Variants in TUSC3 observed in about 807,000 individuals in gnomAD.
TUSC3 encodes tumor suppressor candidate 3, also known as dolichyl-diphosphooligosaccharide--protein glycosyltransferase subunit TUSC3.
TUSC3 carries 45 observed loss-of-function variants against 44.8 expected under a neutral mutation model. That is an observed-to-expected ratio of 1.00 (90% CI 0.79 to 1.29). The LOEUF (loss-of-function observed/expected upper bound fraction) is 1.29. Among genes scored for constraint, TUSC3 ranks in the 50% most tolerant of loss-of-function variants. The pLI, the probability that TUSC3 is intolerant of heterozygous loss-of-function variation, is 0.00. For synonymous variants in TUSC3, 212 were observed against 152.9 expected, an observed-to-expected ratio of 1.39 and a Z score of -2.85; for missense variants, 519 against 437.9, an observed-to-expected ratio of 1.19 and a Z score of -1.65.
chr8:15,521,590 G>T (rs934188343), intron 2 of TUSC3, among the ~76,000 whole-genome samples: 1 of 151,254 alleles, frequency 6.6e-6, no homozygotes, highest in Non-Finnish European at 1.5e-5. Context: ...ATAAAATACA[G>T]TAACACAAAC....
At chr8:15,714,353 G>A (rs183268358) in intron 6 of TUSC3, among the ~76,000 whole-genome samples, 2 of 152,048 alleles carry the variant, frequency 1.3e-5, no homozygotes, top group African/African-American at 4.8e-5. Flanking sequence ...AAGTTATTAT[G>A]CCATCATCAA....
chr8:15,550,640 C>G lies in TUSC3; in HGVS notation c.138+10072C>G, dbSNP rs142832558. Among the ~76,000 whole-genome samples, 250 of 151,464 alleles carry G rather than the reference C, an allele frequency of 1.7e-3. 2 individuals carry two copies. The highest frequency in any genetic ancestry group is 5.8e-3 in the African/African-American group (242 of 41,398). ...TTACTATCATGATTCTTTCCTCTGT[C>G]TTTTTGTAGCTGATCTTTTTTTAAT... On this transcript the variant is annotated intron_variant, in intron 1 of 10. Coordinates refer to ENST00000503731, the MANE Select transcript of TUSC3 (RefSeq NM_006765.4).
At chr8:15,470,827 C>G (rs1800482292) in intron 1 of TUSC3, among the ~76,000 whole-genome samples, 1 of 152,068 alleles carries the variant, frequency 6.6e-6, no homozygotes, top group South Asian at 2.1e-4. Flanking sequence ...TCTACATGGT[C>G]CCAGTGAGTG....
At chr8:15,768,690 C>T (rs1166389351), downstream of TUSC3, among the ~76,000 whole-genome samples, 2 of 152,098 alleles carry the variant, frequency 1.3e-5, no homozygotes, top group East Asian at 1.9e-4. Flanking sequence ...ATTTAGAATA[C>T]CCCATCATCT....
the TUSC3 span, among the ~76,000 whole-genome samples, chr8:15,821,157 G>T: frequency 1.3e-5 from 2 of 152,050 alleles, no homozygotes; most frequent in Non-Finnish European, 2.9e-5. Context: ...TGTTTATGAT[G>T]TATATATAAT....
the TUSC3 span, among the ~76,000 whole-genome samples, chr8:15,773,456 A>G: frequency 1.3e-5 from 2 of 152,302 alleles, no homozygotes; most frequent in East Asian, 3.9e-4. Flanking sequence ...AAAAAGACCT[A>G]AACAAATAGA....
chr8:15,509,560 A>C (rs1344070281), intron 2 of TUSC3, among the ~76,000 whole-genome samples: 1 of 152,102 alleles, frequency 6.6e-6, no homozygotes, highest in Admixed American at 6.5e-5. Context: ...GTGAGCCGAG[A>C]TTGTGCCACT....
At chr8:15,560,806 G>C (rs145095653) in intron 1 of TUSC3, among the ~76,000 whole-genome samples, 22 of 98,534 alleles carry the variant, frequency 2.2e-4, no homozygotes, top group African/African-American at 8.3e-4. Flanking sequence ...CGGCTCCTGA[G>C]GCTTCTGCAT....
At chr8:15,429,344 C>A (rs971129258) in intron 1 of TUSC3, among the ~76,000 whole-genome samples, 2 of 149,442 alleles carry the variant, frequency 1.3e-5, no homozygotes, top group Non-Finnish European at 2.9e-5. Context: ...TGTTTTGGTA[C>A]CAGTACCATG....
At chr8:15,491,375 G>T (rs779579007) in intron 2 of TUSC3, among the ~76,000 whole-genome samples, 3 of 152,108 alleles carry the variant, frequency 2.0e-5, no homozygotes, top group African/African-American at 4.8e-5. Flanking sequence ...ATGGGAGGCA[G>T]GTTTGTGTGA....
At chr8:15,583,224 C>G (rs1803449396) in intron 1 of TUSC3, among the ~76,000 whole-genome samples, 1 of 152,116 alleles carries the variant, frequency 6.6e-6, no homozygotes, top group African/African-American at 2.4e-5. Context: ...CTTTTTAAAG[C>G]CATGTAAGAC....
At chr8:15,733,887 T>C (rs1412705834) in intron 7 of TUSC3, among the ~76,000 whole-genome samples, 1 of 151,944 alleles carries the variant, frequency 6.6e-6, no homozygotes, top group Admixed American at 6.6e-5. Context: ...CTACAAAAAA[T>C]TACAAAATTA....
chr8:15,793,859 C>A, the TUSC3 span, among the ~76,000 whole-genome samples: 1 of 152,194 alleles, frequency 6.6e-6, no homozygotes, highest in Non-Finnish European at 1.5e-5. Flanking sequence ...TGGGAAGGAA[C>A]ATTTCAGGCA....
intron 9 of TUSC3, among the ~76,000 whole-genome samples, chr8:15,754,017 A>G (rs1811817518): frequency 6.6e-6 from 1 of 152,108 alleles, no homozygotes; most frequent in Admixed American, 6.6e-5. Context: ...TGGTGAACAT[A>G]GCACCACGTT....
upstream of TUSC3, among the ~76,000 whole-genome samples, chr8:15,535,480 A>T (rs922778956): frequency 6.6e-6 from 1 of 152,220 alleles, no homozygotes; most frequent in Non-Finnish European, 1.5e-5. Flanking sequence ...TGCAGAAAAC[A>T]AAGTTTCTAC....
intron 1 of TUSC3, among the ~76,000 whole-genome samples, chr8:15,611,636 A>G (rs1804765201): frequency 6.6e-6 from 1 of 152,098 alleles, no homozygotes; most frequent in South Asian, 2.1e-4. Flanking sequence ...TATGCATTTT[A>G]TATTTCTGAT....
chr8:15,475,468 G>A (rs1330176105), intron 1 of TUSC3, among the ~76,000 whole-genome samples: 1 of 152,024 alleles, frequency 6.6e-6, no homozygotes, highest in African/African-American at 2.4e-5. Flanking sequence ...TCAGTTTTCT[G>A]TTTATCTCTC....
intron 1 of TUSC3, among the ~76,000 whole-genome samples, chr8:15,551,089 C>G (rs550643862): frequency 1.1e-4 from 16 of 151,672 alleles, no homozygotes; most frequent in Admixed American, 9.2e-4. Context: ...CAGTTGTCCT[C>G]AAATGTAAAA....
At chr8:15,482,477 T>C (rs1800675330) in intron 1 of TUSC3, among the ~76,000 whole-genome samples, 1 of 152,196 alleles carries the variant, frequency 6.6e-6, no homozygotes, top group Non-Finnish European at 1.5e-5. Context: ...TTACTGAATA[T>C]TTTAAGGTCA....
Sources: allele counts gnomAD v4.1 joint callset (sites outside exome capture counted in the v4.1 genomes callset), GRCh38; gene constraint gnomAD v4.1.1; transcripts MANE v1.5; gene names NCBI Gene and HGNC (gene_info 2026-07-23, HGNC 2026-07-21).